Variants in CDC40 observed in about 807,000 individuals in gnomAD.
CDC40 encodes the protein cell division cycle 40.
CDC40 carries 27 observed loss-of-function variants against 80.6 expected under a neutral mutation model. That is an observed-to-expected ratio of 0.33 (90% CI 0.25 to 0.46). The LOEUF (loss-of-function observed/expected upper bound fraction) is 0.46. Among genes scored for constraint, CDC40 ranks in the 20% least tolerant of loss-of-function variants. CDC40 has a pLI of 1.00. For synonymous variants in CDC40, 221 were observed against 232.6 expected (o/e 0.95, Z 0.45); for missense variants, 486 against 694.1 (o/e 0.70, Z 3.37).
intron 8 of CDC40, among the ~76,000 whole-genome samples, chr6:110,213,380 G>GTT (rs1562205177): frequency 6.7e-6 from 1 of 149,868 alleles, no homozygotes; most frequent in African/African-American, 2.5e-5. Flanking sequence ...TGTTGTTTTT[G>GTT]TTTTTTGTTT....
chr6:110,201,121 G>T (rs1263588271), intron 2 of CDC40, among the ~76,000 whole-genome samples: 1 of 151,960 alleles, frequency 6.6e-6, no homozygotes, highest in African/African-American at 2.4e-5. Flanking sequence ...AGGAACTAGT[G>T]GAAAAGAAAC....
chr6:110,181,719 G>A (rs966273714), intron 1 of CDC40, among the ~76,000 whole-genome samples: 1 of 151,822 alleles, frequency 6.6e-6, no homozygotes, highest in Non-Finnish European at 1.5e-5. Context: ...TTTTGTCTTC[G>A]TCTCATTTTC....
At chr6:110,221,786 T>C (rs1190344730) in intron 12 of CDC40, among the ~76,000 whole-genome samples, 3 of 152,088 alleles carry the variant, frequency 2.0e-5, no homozygotes, top group Admixed American at 6.6e-5. Context: ...CTTAAGGACA[T>C]GTGTATGTGG....
At position 110,231,685 on chromosome 6, in the gene CDC40, T is replaced by C. The variant is rs1777940368; in HGVS notation, c.*1554T>C. 9.2e-5 allele frequency: 14 copies of C among 152,042 alleles called. No individual in the cohort carries two copies. Among genetic ancestry groups the C allele is most frequent in the Admixed American group, 9.2e-4 (14 of 15,254 alleles). The allele number at this position is 152,042 out of a possible 1,614,324, so 9.4% of individuals were successfully genotyped here. ...AGTGCTAACTGGAAGATCAAAATCA[T>C]GTCTCTTGCTGATAACCTAAGAGCA... On this transcript the variant is annotated 3_prime_UTR_variant, in exon 15 of 15. Transcript: ENST00000307731.
chr6:110,193,370 A>T, intron 2 of CDC40, 102 bp downstream of exon 2: 1 of 688,436 alleles, frequency 1.5e-6, no homozygotes, highest in South Asian at 1.7e-5. Context: ...TCACATAAGC[A>T]TACTATTTAA....
At chr6:110,228,623 A>G (rs1777895555) in intron 13 of CDC40, among the ~76,000 whole-genome samples, 1 of 152,078 alleles carries the variant, frequency 6.6e-6, no homozygotes, top group South Asian at 2.1e-4. Flanking sequence ...ATAGGATCGT[A>G]TATGCAAAAG....
At chr6:110,197,506 G>A (rs1777433611) in intron 2 of CDC40, among the ~76,000 whole-genome samples, 1 of 152,082 alleles carries the variant, frequency 6.6e-6, no homozygotes, top group Admixed American at 6.6e-5. Flanking sequence ...TCACCATGTT[G>A]TACAATAGAT....
chr6:110,203,248 C>G (rs1273275549), intron 3 of CDC40, among the ~76,000 whole-genome samples: 3 of 152,180 alleles, frequency 2.0e-5, no homozygotes. Context: ...CCCCCAGGTA[C>G]TGAGCAAGTA....
intron 13 of CDC40, among the ~76,000 whole-genome samples, chr6:110,226,949 G>C (rs958592527): frequency 2.0e-5 from 3 of 151,898 alleles, no homozygotes; most frequent in Non-Finnish European, 4.4e-5. Flanking sequence ...TGAGCCAGGA[G>C]ATTGACTATG....
At chr6:110,229,015 A>T in intron 14 of CDC40, 39 bp downstream of exon 14, 2 of 1,497,762 alleles carry the variant, frequency 1.3e-6, no homozygotes, top group Non-Finnish European at 9.1e-7. Context: ...GTATTCAAAT[A>T]TGATTATATA....
At chr6:110,197,791 C>T (rs191582856) in intron 2 of CDC40, among the ~76,000 whole-genome samples, 4 of 152,218 alleles carry the variant, frequency 2.6e-5, no homozygotes, top group Non-Finnish European at 4.4e-5. Context: ...AATAGTAGGC[C>T]GTTGTGCAGA....
chr6:110,226,069 G>A (rs761532997), intron 12 of CDC40, 98 bp from the exon 13 acceptor site: 19 of 677,362 alleles, frequency 2.8e-5, no homozygotes, highest in Non-Finnish European at 4.4e-5. Flanking sequence ...AATATCAAGA[G>A]TTTGCTTTTA....
rs553566864 is a variant in CDC40 at position 110,230,971 on chromosome 6, T to C, written c.*840T>C. On this transcript the variant is annotated 3_prime_UTR_variant, in exon 15 of 15. Transcript: ENST00000307731. ...GAAATCCTCCTCATAGGAGATAAAG[T>C]ACGAGGGGTAGAGTCCAAGATGTCA... 2.6e-5 allele frequency: 4 copies of C among 152,366 alleles called. No homozygotes were observed. The East Asian group carries it at 7.7e-4, about 29-fold the overall frequency. 9.4% of individuals were successfully genotyped at this position (152,366 alleles called of 1,614,324 possible).
At chr6:110,181,257 C>T (rs1235524028) in intron 1 of CDC40, among the ~76,000 whole-genome samples, 1 of 152,180 alleles carries the variant, frequency 6.6e-6, no homozygotes, top group East Asian at 1.9e-4. Context: ...ATTTGAGAAA[C>T]AGCTGCATGA....
chr6:110,200,261 T>A (rs1035579639), intron 2 of CDC40, among the ~76,000 whole-genome samples: 1 of 152,218 alleles, frequency 6.6e-6, no homozygotes, highest in Non-Finnish European at 1.5e-5. Flanking sequence ...ACAGCTAACA[T>A]TTAAATTCAG....
chr6:110,185,082 G>A (rs777668270), intron 1 of CDC40, among the ~76,000 whole-genome samples: 2 of 152,042 alleles, frequency 1.3e-5, no homozygotes, highest in Admixed American at 6.6e-5. Context: ...ACATTGAAAC[G>A]TAATGAAACA....
chr6:110,204,646 A>AT (rs1230714966), intron 3 of CDC40, among the ~76,000 whole-genome samples: 1 of 150,880 alleles, frequency 6.6e-6, no homozygotes, highest in African/African-American at 2.4e-5. Context: ...CAGTGTATAA[A>AT]AGTCCTATTT....
chr6:110,213,090 T>C lies in CDC40; in HGVS notation c.872T>C (p.Val291Ala). The change falls in exon 8 of 15, where the codon GTC (valine) becomes GCC (alanine). Residue 291 changes from valine to alanine, a missense_variant. Around this residue, in one of 3 missense-constraint regions of CDC40, gnomAD observed 381 missense variants for 492.1 expected, o/e 0.77. Transcript: ENST00000307731. ...IHVWSGHTKG[V>A]SAVRLFPLSG... ...AACTGTAATACCTTTTTATAGGGCGTCAGTGCAGTCAGATTGTTTCCTCTC... is the reference window on the plus strand; with the variant it reads ...AACTGTAATACCTTTTTATAGGGCGCCAGTGCAGTCAGATTGTTTCCTCTC... 6.2e-7 allele frequency: 1 copy of C among 1,602,386 alleles called. No homozygotes were observed. Among genetic ancestry groups the C allele is most frequent in the Non-Finnish European group, 8.6e-7 (1 of 1,169,254 alleles).
intron 2 of CDC40, among the ~76,000 whole-genome samples, chr6:110,200,036 G>A (rs74721011): frequency 0.033 from 4,995 of 152,114 alleles, 146 homozygotes; most frequent in South Asian, 0.12. Flanking sequence ...TTTTTTCCCC[G>A]ACATTTTTCA....
Sources: allele counts gnomAD v4.1 joint callset (sites outside exome capture counted in the v4.1 genomes callset), GRCh38; gene constraint gnomAD v4.1.1; regional missense constraint gnomAD v4.1.1; transcripts MANE v1.5; gene names NCBI Gene and HGNC (gene_info 2026-07-23, HGNC 2026-07-21).